DGCR2: variants seen among roughly 807,000 people sequenced by gnomAD.
DGCR2 encodes DiGeorge syndrome critical region gene 2, also known as integral membrane protein DGCR2/IDD.
In DGCR2, 24 loss-of-function variants were observed where a neutral mutation model predicts 51.6. The ratio of observed to expected loss-of-function variants is 0.47; its 90% CI spans 0.34 to 0.65. The LOEUF (loss-of-function observed/expected upper bound fraction) is 0.65, where lower values mean the gene tolerates loss of function less well. Ranked by LOEUF, DGCR2 falls within the 30% of genes least tolerant of loss-of-function variation. DGCR2 has a pLI of 0.01. For synonymous variants in DGCR2, 340 were observed against 315.4 expected, an observed-to-expected ratio of 1.08 and a Z score of -0.82; for missense variants, 765 against 772.1, an observed-to-expected ratio of 0.99 and a Z score of 0.11.
At chr22:19,046,657 C>A in intron 7 of DGCR2, 1 of 316,980 alleles carries the variant, frequency 3.2e-6, no homozygotes, top group Non-Finnish European at 6.9e-6. Flanking sequence ...GATAGTGTCT[C>A]GGTTCTTGAG....
intron 1 of DGCR2, among the ~76,000 whole-genome samples, chr22:19,117,722 T>C (rs902354035): frequency 1.3e-5 from 2 of 152,248 alleles, no homozygotes; most frequent in East Asian, 1.9e-4. Context: ...CTCACTTTAC[T>C]CTTGCAACTT....
In DGCR2 at chr22:19,110,355, T is replaced by C. The variant is rs546657342; in HGVS notation, c.79+11773A>G. 1.2e-4 allele frequency among the ~76,000 whole-genome samples: 19 copies of C among 152,226 alleles called. No homozygotes were observed. In the South Asian group the frequency reaches 3.9e-3, roughly 32 times the overall value. On this transcript the variant is annotated intron_variant, in intron 1 of 9. Transcript: ENST00000263196. Reference sequence around the variant, plus strand: ...GAAGTGTCAGCTTCCTGGGGGCATTTGTGTGGACACAGCAGGGGTGGGCCC... The same window carrying C: ...GAAGTGTCAGCTTCCTGGGGGCATTCGTGTGGACACAGCAGGGGTGGGCCC...
chr22:19,119,130 C>G (rs1210115112), intron 1 of DGCR2, among the ~76,000 whole-genome samples: 1 of 152,078 alleles, frequency 6.6e-6, no homozygotes, highest in Non-Finnish European at 1.5e-5. Flanking sequence ...GGGACAGAGG[C>G]AGTCTGTGGC....
chr22:19,056,946 C>A (rs2082610299), intron 6 of DGCR2, 40 bp downstream of exon 6: 4 of 1,527,514 alleles, frequency 2.6e-6, no homozygotes, highest in Non-Finnish European at 3.5e-6. Flanking sequence ...GACACAAGGG[C>A]CCAGACATTC....
intron 2 of DGCR2, among the ~76,000 whole-genome samples, chr22:19,085,326 C>A (rs1601258212): frequency 1.3e-5 from 2 of 152,302 alleles, no homozygotes; most frequent in Admixed American, 6.5e-5. Flanking sequence ...TAGGAAACTG[C>A]AAAAATCTGC....
chr22:19,059,816 C>T (rs1477990650), intron 5 of DGCR2, among the ~76,000 whole-genome samples: 1 of 152,146 alleles, frequency 6.6e-6, no homozygotes, highest in Admixed American at 6.5e-5. Context: ...CCACCACATC[C>T]TCTCCCACAT....
rs11550628 is a variant in DGCR2, at chr22:19,122,240, A to G, written c.-34T>C. The G allele has an allele frequency of 0.23, 345,244 of 1,474,248 alleles. 43,078 individuals are homozygous for G. Among genetic ancestry groups the G allele is most frequent in the African/African-American group, 0.43 (28,925 of 68,056 alleles). The allele number at this position is 1,474,248 out of a possible 1,614,324, so 91.3% of individuals were successfully genotyped here. A position where few individuals can be genotyped will look rare whatever the true frequency, so the allele number is the denominator to read the frequency against. ...CGTTCATCGTCCCCGGGGCGGCTGG[A>G]AGGCCGGACCAGGCCGGACTGAGGG... On this transcript the variant is annotated 5_prime_UTR_variant, in exon 1 of 10. Transcript: ENST00000263196.
At chr22:19,092,902 AG>A (rs2083094586) in intron 1 of DGCR2, among the ~76,000 whole-genome samples, 10 of 149,352 alleles carry the variant, frequency 6.7e-5, no homozygotes, top group Admixed American at 6.0e-4. Flanking sequence ...AATGAAGAGG[AG>A]GAGGAGGAGG....
At chr22:19,049,818 C>T (rs1380781387) in intron 6 of DGCR2, among the ~76,000 whole-genome samples, 1 of 127,666 alleles carries the variant, frequency 7.8e-6, no homozygotes, top group Non-Finnish European at 1.6e-5. Flanking sequence ...CAGCATGAGA[C>T]TCTGTCTCAA....
At chr22:19,065,311 T>A (rs1021792113) in intron 3 of DGCR2, 5 of 524,108 alleles carry the variant, frequency 9.5e-6, no homozygotes, top group African/African-American at 1.9e-5. Flanking sequence ...GATCTTTTAA[T>A]TTATTCACTA....
intron 2 of DGCR2, among the ~76,000 whole-genome samples, chr22:19,071,129 C>T (rs1301311578): frequency 3.3e-5 from 5 of 152,236 alleles, no homozygotes; most frequent in African/African-American, 1.2e-4. Flanking sequence ...CAGCTGGGGA[C>T]CTGGTGCAGG....
intron 7 of DGCR2, among the ~76,000 whole-genome samples, chr22:19,043,893 A>G: frequency 6.6e-6 from 1 of 152,292 alleles, no homozygotes; most frequent in South Asian, 2.1e-4. Flanking sequence ...CGACACATGA[A>G]GTGAATATGT....
chr22:19,053,888 A>T (rs1204955098), intron 6 of DGCR2, among the ~76,000 whole-genome samples: 3 of 152,248 alleles, frequency 2.0e-5, no homozygotes, highest in African/African-American at 7.2e-5. Context: ...AAATAAAAAA[A>T]CAGACAAAAT....
intron 1 of DGCR2, among the ~76,000 whole-genome samples, chr22:19,096,466 A>C (rs973641786): frequency 3.3e-5 from 5 of 152,124 alleles, no homozygotes; most frequent in Non-Finnish European, 7.3e-5. Context: ...AATGTTCCTA[A>C]CACAAGAAAA....
chr22:19,101,440 G>A (rs915073804), intron 1 of DGCR2, among the ~76,000 whole-genome samples: 19 of 147,150 alleles, frequency 1.3e-4, no homozygotes, highest in African/African-American at 3.2e-4. Flanking sequence ...GTATTGTGTC[G>A]CTTCAAAAGT....
chr22:19,110,952 G>T (rs1018127259), intron 1 of DGCR2, among the ~76,000 whole-genome samples: 1 of 152,094 alleles, frequency 6.6e-6, no homozygotes, highest in African/African-American at 2.4e-5. Flanking sequence ...TTTTTTGTGG[G>T]TTCTAAGCAT....
Position 19,037,210 on chromosome 22 carries a change from C to T in DGCR2, c.*1655G>A, listed in dbSNP as rs1226356046. 2.6e-5 allele frequency: 4 copies of T among 152,424 alleles called. No individual in the cohort carries two copies. The highest frequency in any genetic ancestry group is 5.9e-5 in the Non-Finnish European group (4 of 68,202). The allele number at this position is 152,424 out of a possible 1,614,324, so 9.4% of individuals were successfully genotyped here. Reference sequence around the variant, plus strand: ...GCACAAGCCTGCCCGCACACAGCCTCCAGCATCATGCTCCAGCAGGCCAAG... The same window carrying T: ...GCACAAGCCTGCCCGCACACAGCCTTCAGCATCATGCTCCAGCAGGCCAAG... On this transcript the variant is annotated 3_prime_UTR_variant, in exon 10 of 10. Transcript: ENST00000263196.
chr22:19,117,035 G>A (rs764386316), intron 1 of DGCR2, among the ~76,000 whole-genome samples: 8 of 151,938 alleles, frequency 5.3e-5, no homozygotes, highest in South Asian at 2.1e-4. Flanking sequence ...AAGAGGACAC[G>A]TGCACAGCTA....
intron 1 of DGCR2, among the ~76,000 whole-genome samples, chr22:19,096,224 T>G (rs1425386930): frequency 6.6e-6 from 1 of 152,216 alleles, no homozygotes; most frequent in African/African-American, 2.4e-5. Flanking sequence ...GAGGACATTA[T>G]GTTAAGTGAA....
Sources: gnomAD v4.1 joint callset for allele counts (sites outside exome capture counted in the v4.1 genomes callset) on GRCh38, gnomAD v4.1.1 for gene constraint, MANE v1.5 for transcripts, NCBI Gene and HGNC (gene_info 2026-07-23, HGNC 2026-07-21) for gene names.